RASA3: variants seen among roughly 807,000 people sequenced by gnomAD.
RASA3 encodes the protein ras GTPase-activating protein 3.
Under a neutral mutation model 110.0 loss-of-function variants are expected in RASA3, and 73 were observed. That is an observed-to-expected ratio of 0.66 (90% CI 0.55 to 0.81). The LOEUF is 0.81. Ranked by LOEUF, RASA3 falls within the 30% of genes least tolerant of loss-of-function variation. The pLI is 0.00. For synonymous variants in RASA3, 500 were observed against 451.4 expected, an observed-to-expected ratio of 1.11 and a Z score of -1.37; for missense variants, 976 against 1,113.2, an observed-to-expected ratio of 0.88 and a Z score of 1.75.
rs984696607 is a variant in RASA3, at chr13:114,015,432, G to A, written c.1282-100C>T. The A allele has an allele frequency of 1.1e-5, 17 of 1,495,172 alleles. No homozygotes were observed. In the East Asian group the frequency reaches 1.4e-4, roughly 12 times the overall value. 92.6% of individuals were successfully genotyped at this position (1,495,172 alleles called of 1,614,324 possible). A position where few individuals can be genotyped will look rare whatever the true frequency, so the allele number is the denominator to read the frequency against. ...GGAGGGGCGCGTGGGGAGGGGCTGA[G>A]GGCGGGCGCAGGGCAGCTGCGGCAG... On this transcript the variant is annotated intron_variant, in intron 13 of 23. Transcript: ENST00000334062.
At chr13:114,039,231 CA>C (rs2054343089) in intron 4 of RASA3, among the ~76,000 whole-genome samples, 2 of 151,998 alleles carry the variant, frequency 1.3e-5, no homozygotes, top group African/African-American at 4.8e-5. Context: ...CTCAGACACT[CA>C]CCCTCCTACG....
chr13:113,984,680 C>A (rs891921672), intron 22 of RASA3, among the ~76,000 whole-genome samples: 1 of 100,452 alleles, frequency 1.0e-5, no homozygotes, highest in African/African-American at 3.2e-5. Context: ...CCACCCATCA[C>A]TCATCCATCT....
rs1283386138 is a variant in RASA3 at position 114,017,340 on chromosome 13, G to A, written c.1103C>T (p.Thr368Ile). The A allele has an allele frequency of 6.2e-7, 1 of 1,613,856 alleles. No individual in the cohort carries two copies. The highest frequency in any genetic ancestry group is 1.7e-5 in the Admixed American group (1 of 60,034). Residue 368 changes from threonine to isoleucine, a missense_variant, in exon 12 of 24, where the codon ACC becomes ATC. Thr to Ile is a moderately conservative substitution (Grantham distance 89, BLOSUM62 -1). Transcript: ENST00000334062. ...AEVKRTQDPN[T>I]IFRGNSLASK... Reference sequence around the variant, plus strand: ...CGCCAGTGAGTTTCCTCGGAAGATGGTGTTGGGGTCCCTGGGAAATGGCGA... The same window carrying A: ...CGCCAGTGAGTTTCCTCGGAAGATGATGTTGGGGTCCCTGGGAAATGGCGA...
chr13:114,010,392 C>A (rs905671758), intron 16 of RASA3, among the ~76,000 whole-genome samples: 2 of 151,988 alleles, frequency 1.3e-5, no homozygotes, highest in Non-Finnish European at 2.9e-5. Flanking sequence ...CAGCCTTGGG[C>A]CTCACCAGGA....
chr13:114,067,453 C>T lies in RASA3; in HGVS notation c.173+6267G>A, dbSNP rs139429372. Among the ~76,000 whole-genome samples the T allele has an allele frequency of 3.5e-3, 533 of 152,338 alleles. 2 individuals carry two copies. The highest frequency in any genetic ancestry group is 7.8e-3 in the African/African-American group (326 of 41,576). ...TTCATGAGTCGCCTAATGTCAAAGT[C>T]GGTGTTTCCTAAGTCAGCAACTTGG... On this transcript the variant is annotated intron_variant, in intron 2 of 23. Coordinates refer to ENST00000334062, the MANE Select transcript of RASA3 (RefSeq NM_007368.4).
At chr13:114,041,979 T>G (rs1035572425) in intron 3 of RASA3, among the ~76,000 whole-genome samples, 5 of 152,254 alleles carry the variant, frequency 3.3e-5, no homozygotes, top group African/African-American at 1.2e-4. Context: ...ACGTCCACTC[T>G]AAACAGTTTC....
chr13:114,013,025 C>G, intron 15 of RASA3, 117 bp downstream of exon 15: 1 of 764,282 alleles, frequency 1.3e-6, no homozygotes, highest in Admixed American at 2.4e-5. Flanking sequence ...TCCTCACACA[C>G]TCCCCACGCA....
chr13:114,022,654 A>G (rs1310708636), intron 8 of RASA3, among the ~76,000 whole-genome samples: 1 of 152,224 alleles, frequency 6.6e-6, no homozygotes, highest in Non-Finnish European at 1.5e-5. Flanking sequence ...CGTTCCTTTC[A>G]GAAGGAACAT....
intron 21 of RASA3, among the ~76,000 whole-genome samples, chr13:113,994,297 G>A (rs750417762): frequency 3.2e-4 from 49 of 152,092 alleles, no homozygotes; most frequent in Admixed American, 3.2e-3. Flanking sequence ...GTTTTATTAG[G>A]TAATTGATAA....
Position 114,014,289 on chromosome 13 carries a change from C to T in RASA3, c.1405+920G>A, listed in dbSNP as rs1415495771. On this transcript the variant is annotated intron_variant, in intron 14 of 23. Transcript: ENST00000334062. The surrounding 1 kb of genome is among the most constrained non-coding windows in gnomAD (Gnocchi z 4.5). ...GATGTGTTTTATCTCTTCACTTCCA[C>T]CTTGTTCAAAGTGGGTCTGGGGCTG... Among the ~76,000 whole-genome samples, 2 of 152,214 alleles carry T rather than the reference C, an allele frequency of 1.3e-5. No homozygotes were observed. Among genetic ancestry groups the T allele is most frequent in the African/African-American group, 2.4e-5 (1 of 41,462 alleles).
chr13:114,039,057 G>C (rs1220961118), intron 4 of RASA3, among the ~76,000 whole-genome samples: 1 of 152,236 alleles, frequency 6.6e-6, no homozygotes, highest in Admixed American at 6.5e-5. Context: ...ACCCAGATGG[G>C]AAAACTGAGG....
At position 114,114,624 on chromosome 13, in the gene RASA3, G is replaced by A. The variant is rs76868031; in HGVS notation, c.55+17811C>T. Reference sequence around the variant, plus strand: ...AACCACACAGGCCAAAATGAGTTGAGCACTATCACATATTTAATTGACTCG... The same window carrying A: ...AACCACACAGGCCAAAATGAGTTGAACACTATCACATATTTAATTGACTCG... On this transcript the variant is annotated intron_variant, in intron 1 of 23. Coordinates refer to ENST00000334062, the MANE Select transcript of RASA3 (RefSeq NM_007368.4). The surrounding 1 kb of genome is among the most constrained non-coding windows in gnomAD (Gnocchi z 4.8). Among the ~76,000 whole-genome samples, 67 of 152,184 alleles carry A rather than the reference G, an allele frequency of 4.4e-4. No individual in the cohort carries two copies. In the East Asian group the frequency reaches 0.013, roughly 29 times the overall value.
chr13:114,055,685 A>G (rs2079232467), intron 2 of RASA3, among the ~76,000 whole-genome samples: 1 of 152,230 alleles, frequency 6.6e-6, no homozygotes, highest in African/African-American at 2.4e-5. Flanking sequence ...GATGGCAGGA[A>G]GCCGTGGTGT....
chr13:114,102,686 C>CA (rs1367174740), intron 1 of RASA3, among the ~76,000 whole-genome samples: 1 of 152,186 alleles, frequency 6.6e-6, no homozygotes, highest in Non-Finnish European at 1.5e-5. Context: ...GGTGGTGTCA[C>CA]AGCCAAGGCT....
At chr13:114,051,957 C>G in intron 3 of RASA3, 95 bp downstream of exon 3, 2 of 994,294 alleles carry the variant, frequency 2.0e-6, no homozygotes, top group East Asian at 5.0e-5. Flanking sequence ...AGCGACCCCT[C>G]AGCACCATCC....
At chr13:114,089,639 G>A (rs866335385) in intron 1 of RASA3, among the ~76,000 whole-genome samples, 5 of 152,178 alleles carry the variant, frequency 3.3e-5, no homozygotes, top group South Asian at 2.1e-4. Flanking sequence ...GCGCACGGCC[G>A]CCCCACAGCC....
intron 1 of RASA3, among the ~76,000 whole-genome samples, chr13:114,101,423 C>A (rs976882172): frequency 6.6e-6 from 1 of 152,224 alleles, no homozygotes; most frequent in African/African-American, 2.4e-5. Flanking sequence ...AGGAGGAACC[C>A]CTCAGGGCTG....
chr13:114,073,272 G>A (rs978052365), intron 2 of RASA3, among the ~76,000 whole-genome samples: 1 of 147,010 alleles, frequency 6.8e-6, no homozygotes, highest in Admixed American at 6.8e-5. Flanking sequence ...GGACGGTGAT[G>A]TACACGCTCG....
intron 15 of RASA3, 22 bp downstream of exon 15, chr13:114,013,120 G>T (rs528635874): frequency 1.9e-6 from 3 of 1,601,140 alleles, no homozygotes; most frequent in Non-Finnish European, 2.6e-6. Flanking sequence ...AGAAAGCCTC[G>T]GTCCCTCAGC....
Sources: gnomAD v4.1 joint callset for allele counts (sites outside exome capture counted in the v4.1 genomes callset) on GRCh38, gnomAD v4.1.1 for gene constraint, Gnocchi (gnomAD v3.1) non-coding constraint, MANE v1.5 for transcripts, NCBI Gene and HGNC (gene_info 2026-07-23, HGNC 2026-07-21) for gene names.